The following CDC14A variants were observed in gnomAD, a reference collection of about 807,000 sequenced individuals.
CDC14A encodes cell division cycle 14A, also known as dual specificity protein phosphatase CDC14A.
In CDC14A, 53 loss-of-function variants were observed where a neutral mutation model predicts 74.4. The observed-to-expected ratio is 0.71, with a 90% CI of 0.57 to 0.89. CDC14A has a LOEUF of 0.89. CDC14A is among the 40% of genes least tolerant of loss of function. The probability of loss-of-function intolerance (pLI) is 0.00; values close to 1 mark genes in which losing one functional copy is unlikely to be tolerated. For missense variants in CDC14A, 646 were observed against 713.7 expected (o/e 0.91, Z 1.08); for synonymous variants, 247 against 258.4 (o/e 0.96, Z 0.43).
chr1:100,385,162 C>G (rs1166698552), intron 3 of CDC14A, among the ~76,000 whole-genome samples: 1 of 152,184 alleles, frequency 6.6e-6, no homozygotes, highest in Non-Finnish European at 1.5e-5. Context: ...GACTACTTGA[C>G]CAGATGGACA....
intron 10 of CDC14A, among the ~76,000 whole-genome samples, chr1:100,477,873 T>G (rs1159755834): frequency 6.6e-6 from 1 of 152,340 alleles, no homozygotes; most frequent in African/African-American, 2.4e-5. Flanking sequence ...AAAGGCTGGT[T>G]TGTCATATCC....
At chr1:100,360,648 A>C (rs1352140852) in intron 2 of CDC14A, among the ~76,000 whole-genome samples, 5 of 152,108 alleles carry the variant, frequency 3.3e-5, no homozygotes, top group African/African-American at 1.2e-4. Flanking sequence ...CCTGGCCCAC[A>C]GTTCTTAATT....
At chr1:100,463,218 G>A (rs1364895263) in intron 9 of CDC14A, among the ~76,000 whole-genome samples, 1 of 152,158 alleles carries the variant, frequency 6.6e-6, no homozygotes, top group Non-Finnish European at 1.5e-5. Flanking sequence ...GACAAGGGTT[G>A]TTAGTTTTCC....
chr1:100,353,961 G>T, intron 2 of CDC14A, 109 bp downstream of exon 2: 1 of 665,630 alleles, frequency 1.5e-6, no homozygotes, highest in Non-Finnish European at 2.7e-6. Context: ...CCAATGATAC[G>T]AGTAACAATA....
intron 15 of CDC14A, among the ~76,000 whole-genome samples, chr1:100,507,336 C>T (rs1361103811): frequency 1.3e-5 from 2 of 152,146 alleles, no homozygotes; most frequent in Non-Finnish European, 2.9e-5. Flanking sequence ...TCCTCTTTTT[C>T]CTGAAATTCT....
chr1:100,401,620 C>T (rs1003980321), intron 4 of CDC14A, among the ~76,000 whole-genome samples: 13 of 152,174 alleles, frequency 8.5e-5, no homozygotes, highest in Non-Finnish European at 1.6e-4. Flanking sequence ...ATTTTACTCT[C>T]AGCATTGTTT....
chr1:100,345,311 C>A (rs1650318997), intron 1 of CDC14A: 1 of 152,124 alleles, frequency 6.6e-6, no homozygotes, highest in African/African-American at 2.4e-5. Context: ...AGTTCTTAAT[C>A]TATGCTTAAT....
intron 4 of CDC14A, among the ~76,000 whole-genome samples, chr1:100,422,046 T>C (rs1662418532): frequency 6.6e-6 from 1 of 152,188 alleles, no homozygotes; most frequent in Non-Finnish European, 1.5e-5. Context: ...GGTCAACCTG[T>C]AAAAGATGCC....
At chr1:100,360,108 A>ATTTTTTTTTT (rs35028152) in intron 2 of CDC14A, among the ~76,000 whole-genome samples, 1 of 123,720 alleles carries the variant, frequency 8.1e-6, no homozygotes, top group Non-Finnish European at 1.7e-5. Flanking sequence ...ACACCCAGCT[A>ATTTTTTTTTT]TTTTTTTTTT....
chr1:100,424,286 C>T lies in CDC14A; in HGVS notation c.374C>T (p.Pro125Leu), dbSNP rs200941208. 82 of 1,613,096 alleles carry T rather than the reference C, an allele frequency of 5.1e-5. No individual in the cohort carries two copies. Among genetic ancestry groups the T allele is most frequent in the African/African-American group, 2.0e-4 (15 of 74,848 alleles). The change falls in exon 5 of 16, where the codon CCC becomes CTC. Residue 125 changes from proline to leucine, a missense_variant. Pro to Leu is a moderately conservative substitution (Grantham distance 98). Coordinates refer to ENST00000336454, the MANE Select transcript of CDC14A (RefSeq NM_003672.4). ...YRALLSGSNP[P>L]YLPFRDASFG... ...GCACTCCTGTCTGGCTCAAACCCCCCCTATCTTCCATTCAGGTATAACTCC... is the reference window on the plus strand; with the variant it reads ...GCACTCCTGTCTGGCTCAAACCCCCTCTATCTTCCATTCAGGTATAACTCC...
intron 7 of CDC14A, among the ~76,000 whole-genome samples, chr1:100,451,458 A>G (rs1666137211): frequency 6.6e-6 from 1 of 152,266 alleles, no homozygotes; most frequent in Non-Finnish European, 1.5e-5. Context: ...ATTTAAAGCC[A>G]GATGGCATGT....
At chr1:100,429,206 A>AAAATAAATAAATAAATAAATAAAT (rs10529924) in intron 5 of CDC14A, among the ~76,000 whole-genome samples, 4,231 of 113,322 alleles carry the variant, frequency 0.037, 100 homozygotes, top group Admixed American at 0.072. Context: ...TCCATCTCAA[A>AAAATAAATAAATAAATAAATAAAT]AAATAAATAA....
chr1:100,476,240 G>A (rs1052819270), intron 10 of CDC14A, among the ~76,000 whole-genome samples: 3 of 152,168 alleles, frequency 2.0e-5, no homozygotes, highest in East Asian at 1.9e-4. Context: ...ATCGCATGAG[G>A]TCAAGAGTTT....
intron 4 of CDC14A, among the ~76,000 whole-genome samples, chr1:100,417,899 C>T (rs1406771735): frequency 6.6e-6 from 1 of 152,180 alleles, no homozygotes; most frequent in Non-Finnish European, 1.5e-5. Flanking sequence ...CAGGAGGCAT[C>T]TGAAGGTTTA....
At chr1:100,449,248 G>A (rs1208100664) in intron 7 of CDC14A, among the ~76,000 whole-genome samples, 1 of 152,222 alleles carries the variant, frequency 6.6e-6, no homozygotes, top group Non-Finnish European at 1.5e-5. Context: ...CTGGGATTGA[G>A]TCTTTCTTGG....
At chr1:100,488,283 A>G (rs1016192209) in intron 11 of CDC14A, among the ~76,000 whole-genome samples, 1 of 152,222 alleles carries the variant, frequency 6.6e-6, no homozygotes, top group Non-Finnish European at 1.5e-5. Flanking sequence ...TACAGTAGCC[A>G]TATGAAATAG....
At chr1:100,504,786 C>T in intron 15 of CDC14A, 1 of 1,508,962 alleles carries the variant, frequency 6.6e-7, no homozygotes. Flanking sequence ...ATTTACCTTG[C>T]TTATTCTCTT....
chr1:100,420,063 C>CAATATATATATATATATATAT, intron 4 of CDC14A, among the ~76,000 whole-genome samples: 1 of 61,566 alleles, frequency 1.6e-5, no homozygotes, highest in Non-Finnish European at 3.8e-5. Flanking sequence ...CACACACACA[C>CAATATATATATATATATATAT]ATATATATAT....
At chr1:100,506,258 T>C (rs983621776) in intron 15 of CDC14A, among the ~76,000 whole-genome samples, 1 of 152,216 alleles carries the variant, frequency 6.6e-6, no homozygotes, top group African/African-American at 2.4e-5. Flanking sequence ...TCTTGTTGTA[T>C]ATTTATGTTG....
Sources: allele counts gnomAD v4.1 joint callset (sites outside exome capture counted in the v4.1 genomes callset), GRCh38; gene constraint gnomAD v4.1.1; transcripts MANE v1.5; gene names NCBI Gene and HGNC (gene_info 2026-07-23, HGNC 2026-07-21).